The following ZKSCAN7 variants were observed in gnomAD, a reference collection of about 807,000 sequenced individuals.
ZKSCAN7 encodes zinc finger with KRAB and SCAN domains 7.
A neutral mutation model predicts 65.3 loss-of-function variants in ZKSCAN7; 38 were observed. The ratio of observed to expected loss-of-function variants is 0.58; its 90% CI spans 0.45 to 0.76. The LOEUF is 0.76. ZKSCAN7 is among the 30% of genes least tolerant of loss of function. The pLI is 0.00. For synonymous variants in ZKSCAN7, 321 were observed against 321.0 expected, an observed-to-expected ratio of 1.00 and a Z score of 0.00; for missense variants, 815 against 913.3, an observed-to-expected ratio of 0.89 and a Z score of 1.39.
chr3:44,571,937 A>C lies in ZKSCAN7; in HGVS notation c.*562A>C. The C allele has an allele frequency of 1.0e-6, 1 of 986,446 alleles. No homozygotes were observed. Among genetic ancestry groups the C allele is most frequent in the Non-Finnish European group, 1.2e-6 (1 of 830,602 alleles). 61.1% of individuals were successfully genotyped at this position (986,446 alleles called of 1,614,324 possible). On this transcript the variant is annotated 3_prime_UTR_variant, in exon 6 of 6. Transcript: ENST00000426540. ...CACTGAAATACTTTCTTCTTCAAGT[A>C]CTTTTTTATTTTTCTTCAACTTCTC...
chr3:44,562,271 C>T (rs1699497015), intron 2 of ZKSCAN7, among the ~76,000 whole-genome samples: 1 of 152,230 alleles, frequency 6.6e-6, no homozygotes, highest in Non-Finnish European at 1.5e-5. Context: ...CTTTTAGCCA[C>T]AGCTGGAGCT....
At chr3:44,576,249 T>C (rs535179494), downstream of ZKSCAN7, among the ~76,000 whole-genome samples, 5 of 152,304 alleles carry the variant, frequency 3.3e-5, no homozygotes, top group African/African-American at 1.2e-4. Flanking sequence ...TCTGTATATG[T>C]AATTGACCTC....
chr3:44,568,707 G>A (rs932759164), intron 5 of ZKSCAN7, among the ~76,000 whole-genome samples: 1 of 152,214 alleles, frequency 6.6e-6, no homozygotes, highest in Non-Finnish European at 1.5e-5. Context: ...AAGGAGCTGT[G>A]AGTCATAGGC....
intron 5 of ZKSCAN7, chr3:44,580,607 C>T (rs764147716): frequency 1.4e-5 from 23 of 1,613,800 alleles, no homozygotes; most frequent in Admixed American, 8.3e-5. Context: ...TCTCCAGCCA[C>T]CCACTGACGA....
At position 44,570,611 on chromosome 3, in the gene ZKSCAN7, G is replaced by A. The variant is rs1174188418; in HGVS notation, c.1501G>A (p.Gly501Arg). Residue 501 changes from glycine to arginine, a missense_variant, in exon 6 of 6, where the codon GGA (glycine) becomes AGA (arginine). Around this residue, in one of 3 missense-constraint regions of ZKSCAN7, gnomAD observed 578 missense variants for 629.5 expected, o/e 0.92. Transcript: ENST00000426540. ...GAAACCTTATGAATGCAATGAGTGT[G>A]GAGAGGCATTCATTCGAAGCAAAAG... ...GEKPYECNECGEAFIRSKSLA... is the reference protein window; with the variant it reads ...GEKPYECNECREAFIRSKSLA... 1.2e-6 allele frequency: 2 copies of A among 1,614,154 alleles called. No individual in the cohort carries two copies. Among genetic ancestry groups the A allele is most frequent in the East Asian group, 2.2e-5 (1 of 44,886 alleles).
At position 44,581,425 on chromosome 3, in the gene ZKSCAN7, A is replaced by G. The variant is rs1304098880; in HGVS notation, c.812-1547A>G. 6.6e-5 allele frequency among the ~76,000 whole-genome samples: 10 copies of G among 152,198 alleles called. 1 individual carries two copies. The highest frequency in any genetic ancestry group is 1.5e-4 in the Non-Finnish European group (10 of 68,018). ...TGTGAAAAACCATTCAGTTGTAGCA[A>G]ACATCATACACCAGAGACTTTGTTT... On this transcript the variant is annotated intron_variant, in intron 5 of 5. Transcript: ENST00000341840.
chr3:44,578,347 G>T, intron 5 of ZKSCAN7: 1 of 1,603,622 alleles, frequency 6.2e-7, no homozygotes, highest in Non-Finnish European at 8.5e-7. Flanking sequence ...AGGCATCCTT[G>T]CCCTGTGCAA....
Position 44,571,096 on chromosome 3 carries a change from C to T in ZKSCAN7, c.1986C>T (p.Pro662=), listed in dbSNP as rs539938290. ...IHQRIHTGEK[P]YECNECGKVF... ...AGAGAATTCACACTGGTGAGAAACC[C>T]TATGAATGTAATGAGTGTGGGAAGG... Residue 662 remains proline (P), a synonymous_variant, in exon 6 of 6, where the codon CCC becomes CCT. Transcript: ENST00000426540. 6.2e-7 allele frequency: 1 copy of T among 1,614,068 alleles called. No homozygotes were observed. The highest frequency in any genetic ancestry group is 1.1e-5 in the South Asian group (1 of 91,072).
At chr3:44,582,316 AAACAC>A (rs1700105552) in intron 5 of ZKSCAN7, among the ~76,000 whole-genome samples, 1 of 152,200 alleles carries the variant, frequency 6.6e-6, no homozygotes, top group Non-Finnish European at 1.5e-5. Context: ...CTTTACATGA[AAACAC>A]AATAGGAGAG....
Position 44,567,986 on chromosome 3 carries a change from C to G in ZKSCAN7, c.667C>G (p.Arg223Gly), listed in dbSNP as rs1268766088. Residue 223 changes from arginine to glycine, a missense_variant, in exon 4 of 6, where the codon CGG becomes GGG. Around this residue, in one of 3 missense-constraint regions of ZKSCAN7, gnomAD observed 10 missense variants for 30.5 expected, o/e 0.33. Transcript: ENST00000426540. The stretch of plus-strand genomic sequence containing the variant: ...AGACCAAGCAGGGGCAACTGTACTT[C>G]GGATGGTCAGGCCCCAGGTGAGCTT... Reference protein sequence around the residue: ...SGDQAGATVLRMVRPQDTVAY... With the variant: ...SGDQAGATVLGMVRPQDTVAY... The G allele has an allele frequency of 4.8e-6, 7 of 1,449,320 alleles. No individual in the cohort carries two copies. In the South Asian group the frequency reaches 8.8e-5, roughly 18 times the overall value. The allele number at this position is 1,449,320 out of a possible 1,614,324, so 89.8% of individuals were successfully genotyped here.
chr3:44,579,069 T>C (rs1699994081), intron 5 of ZKSCAN7, among the ~76,000 whole-genome samples: 1 of 152,202 alleles, frequency 6.6e-6, no homozygotes, highest in Non-Finnish European at 1.5e-5. Flanking sequence ...ACGGGGACGA[T>C]GGGCACCTGC....
At chr3:44,582,958 CTCTTG>C (rs1700120724) in intron 5 of ZKSCAN7, 4 of 443,576 alleles carry the variant, frequency 9.0e-6, no homozygotes, top group Non-Finnish European at 1.3e-5. Context: ...CTGAGTTTCA[CTCTTG>C]TCTTCCAGGC....
intron 5 of ZKSCAN7, among the ~76,000 whole-genome samples, chr3:44,577,414 A>T (rs745311727): frequency 2.0e-5 from 3 of 152,078 alleles, no homozygotes; most frequent in Non-Finnish European, 4.4e-5. Context: ...TCCTCCTCCC[A>T]GGCTGGAAGG....
intron 2 of ZKSCAN7, among the ~76,000 whole-genome samples, chr3:44,559,047 G>A (rs1328724101): frequency 2.0e-5 from 3 of 151,906 alleles, no homozygotes; most frequent in South Asian, 2.1e-4. Context: ...AAAGCACTGC[G>A]ATTACAGGCA....
Position 44,571,857 on chromosome 3 carries a change from C to T in ZKSCAN7, c.*482C>T, listed in dbSNP as rs957124436. On this transcript the variant is annotated 3_prime_UTR_variant, in exon 6 of 6. Transcript: ENST00000426540. ...TCAGTTTTGTTCCCTATCTAGAAAA[C>T]ATTTTCTTCTGTTTGCTAATCTTTG... The T allele has an allele frequency of 1.0e-6, 1 of 987,768 alleles. No homozygotes were observed. 61.2% of individuals were successfully genotyped at this position (987,768 alleles called of 1,614,324 possible).
At chr3:44,573,354 T>C (rs1699859561), downstream of ZKSCAN7, among the ~76,000 whole-genome samples, 1 of 152,224 alleles carries the variant, frequency 6.6e-6, no homozygotes. Flanking sequence ...ATGCGAGTTA[T>C]ATAATCTGGA....
chr3:44,581,171 A>C (rs1700074757), intron 5 of ZKSCAN7: 1 of 831,418 alleles, frequency 1.2e-6, no homozygotes, highest in Non-Finnish European at 1.4e-6. Flanking sequence ...GGCTCGCTGC[A>C]CGCGCCGAGG....
chr3:44,571,116 G>A lies in ZKSCAN7; in HGVS notation c.2006G>A (p.Gly669Glu). 1 of 1,614,048 alleles carries A rather than the reference G, an allele frequency of 6.2e-7. No homozygotes were observed. The highest frequency in any genetic ancestry group is 8.5e-7 in the Non-Finnish European group (1 of 1,179,996). Residue 669 changes from glycine (G) to glutamate (E), a missense_variant, in exon 6 of 6, where the codon GGG becomes GAG. By Grantham distance (98) the Gly-to-Glu change is moderately conservative. Transcript: ENST00000426540. ...AAACCCTATGAATGTAATGAGTGTG[G>A]GAAGGTATTCAGTTATAGCTCCAGC... ...GEKPYECNEC[G>E]KVFSYSSSLM...
At chr3:44,582,609 T>C (rs1464159064) in intron 5 of ZKSCAN7, among the ~76,000 whole-genome samples, 1 of 152,210 alleles carries the variant, frequency 6.6e-6, no homozygotes, top group East Asian at 1.9e-4. Flanking sequence ...GACATTATAC[T>C]TGACTGAATG....
Sources: gnomAD v4.1 joint callset for allele counts (sites outside exome capture counted in the v4.1 genomes callset) on GRCh38, gnomAD v4.1.1 for gene constraint, gnomAD v4.1.1 regional missense constraint, MANE v1.5 for transcripts, NCBI Gene and HGNC (gene_info 2026-07-23, HGNC 2026-07-21) for gene names.